The following LRRC8B variants were observed in gnomAD, a reference collection of about 807,000 sequenced individuals.
LRRC8B encodes the protein leucine rich repeat containing 8 VRAC subunit B, also known as volume-regulated anion channel subunit LRRC8B.
A neutral mutation model predicts 58.8 loss-of-function variants in LRRC8B; 23 were observed. The observed-to-expected ratio is 0.39, with a 90% confidence interval of 0.28 to 0.55. The LOEUF (loss-of-function observed/expected upper bound fraction) is 0.55, where lower values mean the gene tolerates loss of function less well. Ranked by LOEUF, LRRC8B falls within the 20% of genes least tolerant of loss-of-function variation. LRRC8B has a pLI of 0.62. For missense variants in LRRC8B, 694 were observed against 936.0 expected (o/e 0.74, Z 3.37); for synonymous variants, 359 against 374.1 (o/e 0.96, Z 0.47).
At chr1:89,534,305 C>A (rs973820412) in intron 1 of LRRC8B, among the ~76,000 whole-genome samples, 5 of 152,060 alleles carry the variant, frequency 3.3e-5, no homozygotes, top group African/African-American at 7.2e-5. Flanking sequence ...TTTAAATGTA[C>A]CCAATGGAAG....
intron 3 of LRRC8B, among the ~76,000 whole-genome samples, chr1:89,577,075 T>A (rs1184519376): frequency 6.6e-6 from 1 of 152,172 alleles, no homozygotes; most frequent in East Asian, 1.9e-4. Flanking sequence ...TTTGAAGGGA[T>A]ATAAGGTGAT....
chr1:89,550,715 T>G (rs1212986896), intron 1 of LRRC8B, among the ~76,000 whole-genome samples: 1 of 152,182 alleles, frequency 6.6e-6, no homozygotes, highest in Non-Finnish European at 1.5e-5. Flanking sequence ...TGCTCTTCCC[T>G]TTTCCCAGCT....
chr1:89,558,770 C>T (rs1389053897), intron 1 of LRRC8B: 1 of 152,180 alleles, frequency 6.6e-6, no homozygotes, highest in Non-Finnish European at 1.5e-5. Context: ...GGACGTTGAA[C>T]ATGGTGTAGG....
At chr1:89,581,981 A>G (rs181877270) in intron 4 of LRRC8B, among the ~76,000 whole-genome samples, 3 of 152,340 alleles carry the variant, frequency 2.0e-5, no homozygotes, top group Admixed American at 6.5e-5. Flanking sequence ...GAGCTTGCTT[A>G]AAAGAGGCTC....
At chr1:89,529,187 C>T (rs141672933) in intron 1 of LRRC8B, among the ~76,000 whole-genome samples, 130 of 152,294 alleles carry the variant, frequency 8.5e-4, no homozygotes, top group African/African-American at 3.1e-3. Context: ...AACATGCTTT[C>T]AGTAAATCCT....
At chr1:89,574,350 C>A (rs1653682073) in intron 3 of LRRC8B, among the ~76,000 whole-genome samples, 1 of 152,186 alleles carries the variant, frequency 6.6e-6, no homozygotes, top group Non-Finnish European at 1.5e-5. Flanking sequence ...GCTGGCATAA[C>A]AAAAATCTGG....
chr1:89,528,140 C>T (rs1649837986), intron 1 of LRRC8B, among the ~76,000 whole-genome samples: 1 of 152,090 alleles, frequency 6.6e-6, no homozygotes, highest in Non-Finnish European at 1.5e-5. Flanking sequence ...ATTCTTTCTT[C>T]TCATCTGTCA....
chr1:89,588,752 T>C (rs1331566686), intron 5 of LRRC8B, among the ~76,000 whole-genome samples: 12 of 152,120 alleles, frequency 7.9e-5, no homozygotes, highest in Admixed American at 7.9e-4. Flanking sequence ...GAATCAGTTA[T>C]GATTTAGAGG....
chr1:89,573,050 C>G (rs1325190580), intron 3 of LRRC8B, among the ~76,000 whole-genome samples: 1 of 152,098 alleles, frequency 6.6e-6, no homozygotes, highest in Non-Finnish European at 1.5e-5. Context: ...CCTGTAATCC[C>G]AGCACTTTGG....
At chr1:89,570,456 T>C (rs1653381393) in intron 3 of LRRC8B, among the ~76,000 whole-genome samples, 1 of 152,222 alleles carries the variant, frequency 6.6e-6, no homozygotes, top group African/African-American at 2.4e-5. Context: ...GATTTGCATT[T>C]CTCTAATGAT....
intron 3 of LRRC8B, among the ~76,000 whole-genome samples, chr1:89,571,770 T>A (rs1292113425): frequency 6.6e-6 from 1 of 152,106 alleles, no homozygotes; most frequent in African/African-American, 2.4e-5. Context: ...GTGCTGGTTT[T>A]CTTTCTTTCT....
intron 1 of LRRC8B, among the ~76,000 whole-genome samples, chr1:89,540,064 G>A (rs191805744): frequency 2.6e-5 from 4 of 152,060 alleles, no homozygotes; most frequent in Admixed American, 6.5e-5. Flanking sequence ...ACATCTTCAC[G>A]TATCATTTCT....
chr1:89,543,741 C>T (rs138263943), intron 1 of LRRC8B, among the ~76,000 whole-genome samples: 131 of 151,968 alleles, frequency 8.6e-4, no homozygotes, highest in African/African-American at 3.0e-3. Flanking sequence ...GATGATCCAC[C>T]CACCTTGGCC....
chr1:89,545,256 T>C (rs939194804), intron 1 of LRRC8B, among the ~76,000 whole-genome samples: 7 of 152,238 alleles, frequency 4.6e-5, no homozygotes, highest in Non-Finnish European at 1.0e-4. Flanking sequence ...ATATGGTCAA[T>C]GATTTCTGCA....
intron 1 of LRRC8B, among the ~76,000 whole-genome samples, chr1:89,532,705 C>G (rs1650230336): frequency 6.6e-6 from 1 of 152,144 alleles, no homozygotes; most frequent in Non-Finnish European, 1.5e-5. Context: ...TTATAAATTA[C>G]CCAGTCTTGA....
At chr1:89,557,667 T>C (rs1652290627) in intron 1 of LRRC8B, among the ~76,000 whole-genome samples, 1 of 152,208 alleles carries the variant, frequency 6.6e-6, no homozygotes, top group Admixed American at 6.5e-5. Flanking sequence ...TGCTTCTCAC[T>C]CTCACTAGTG....
intron 1 of LRRC8B, among the ~76,000 whole-genome samples, chr1:89,565,687 GA>G (rs1198126149): frequency 6.6e-6 from 1 of 152,160 alleles, no homozygotes; most frequent in African/African-American, 2.4e-5. Flanking sequence ...AATGGGTGGT[GA>G]AACCTGATCT....
chr1:89,530,617 C>A (rs1381460015), intron 1 of LRRC8B, among the ~76,000 whole-genome samples: 1 of 152,054 alleles, frequency 6.6e-6, no homozygotes, highest in Admixed American at 6.6e-5. Context: ...AACCATATGG[C>A]TGAATGAAGA....
chr1:89,537,275 A>G (rs764864666), intron 1 of LRRC8B, among the ~76,000 whole-genome samples: 14 of 152,172 alleles, frequency 9.2e-5, no homozygotes, highest in Non-Finnish European at 1.6e-4. Context: ...TAAGAACAAA[A>G]TGTGCAAGTA....
Sources: allele counts gnomAD v4.1 joint callset (sites outside exome capture counted in the v4.1 genomes callset), GRCh38; gene constraint gnomAD v4.1.1; transcripts MANE v1.5; gene names NCBI Gene and HGNC (gene_info 2026-07-23, HGNC 2026-07-21).